NTM: variants seen among roughly 807,000 people sequenced by gnomAD.
NTM encodes neurotrimin, also known as IgLON family member 2.
NTM carries 13 observed loss-of-function variants against 42.1 expected under a neutral mutation model. That is an observed-to-expected ratio of 0.31 (90% CI 0.20 to 0.49). The LOEUF is 0.49. NTM is among the 20% of genes least tolerant of loss of function. NTM has a pLI of 0.99. For missense variants in NTM, 373 were observed against 452.8 expected, an observed-to-expected ratio of 0.82 and a Z score of 1.60; for synonymous variants, 187 against 179.2, an observed-to-expected ratio of 1.04 and a Z score of -0.35.
intron 1 of NTM, among the ~76,000 whole-genome samples, chr11:131,416,479 T>TGTC (rs1946969275): frequency 6.6e-6 from 1 of 152,176 alleles, no homozygotes; most frequent in African/African-American, 2.4e-5. Context: ...TCAAACACCA[T>TGTC]AGCCTGTCTG....
intron 3 of NTM, among the ~76,000 whole-genome samples, chr11:132,199,364 G>A (rs767347258): frequency 5.3e-5 from 8 of 152,152 alleles, no homozygotes; most frequent in South Asian, 2.1e-4. Flanking sequence ...GAGGCACAAC[G>A]TTTGCTTCTA....
At chr11:131,907,405 T>G (rs985772541) in intron 1 of NTM, among the ~76,000 whole-genome samples, 2 of 152,206 alleles carry the variant, frequency 1.3e-5, no homozygotes, top group Non-Finnish European at 2.9e-5. Flanking sequence ...AGAGTACACA[T>G]GGCAGGCTCT....
At chr11:132,199,710 CCCTTTTTGATA>C (rs1410951870) in intron 3 of NTM, among the ~76,000 whole-genome samples, 519 of 152,162 alleles carry the variant, frequency 3.4e-3, no homozygotes, top group Non-Finnish European at 4.0e-3. Flanking sequence ...TCCCAACTTG[CCCTTTTTGATA>C]TAAAGTTCAC....
chr11:132,064,728 A>C (rs1171953630), intron 2 of NTM, among the ~76,000 whole-genome samples: 1 of 152,162 alleles, frequency 6.6e-6, no homozygotes, highest in Non-Finnish European at 1.5e-5. Flanking sequence ...TTTGAACCCC[A>C]TGGTTCCAGT....
intron 2 of NTM, among the ~76,000 whole-genome samples, chr11:132,088,078 C>T (rs1468178710): frequency 2.0e-5 from 3 of 152,174 alleles, no homozygotes; most frequent in East Asian, 1.9e-4. Flanking sequence ...ACCACTCACC[C>T]GTATATCCCA....
At chr11:131,762,813 T>C (rs2084433433) in intron 1 of NTM, among the ~76,000 whole-genome samples, 1 of 152,028 alleles carries the variant, frequency 6.6e-6, no homozygotes, top group African/African-American at 2.4e-5. Flanking sequence ...ACTGAGAGCT[T>C]CCTTGAAATG....
At chr11:131,836,629 A>C (rs146357460) in intron 1 of NTM, among the ~76,000 whole-genome samples, 1 of 152,210 alleles carries the variant, frequency 6.6e-6, no homozygotes. Context: ...TCTCCATGTC[A>C]TGAGTGGTTG....
chr11:131,587,430 G>A (rs1340433973), intron 1 of NTM, among the ~76,000 whole-genome samples: 4 of 143,950 alleles, frequency 2.8e-5, no homozygotes, highest in Non-Finnish European at 4.6e-5. Context: ...CCTGGGAGAC[G>A]GAGCGAGACT....
chr11:132,249,032 C>T (rs1370312441), intron 4 of NTM, among the ~76,000 whole-genome samples: 3 of 152,186 alleles, frequency 2.0e-5, no homozygotes, highest in Non-Finnish European at 4.4e-5. Context: ...GGAGCACTGG[C>T]TGGAACATGC....
Position 132,307,848 on chromosome 11 carries a change from C to T in NTM, c.661+25C>T, listed in dbSNP as rs545833387. The stretch of plus-strand genomic sequence containing the variant: ...TGTAAGTGTTCTCACCACCACGCGC[C>T]CTGCACGTGCATCAGGCTGGCCTGT... On this transcript the variant is annotated intron_variant, in intron 5 of 8. Transcript: ENST00000683400. 8.8e-5 allele frequency: 141 copies of T among 1,609,416 alleles called. 4 individuals are homozygous for T. In the South Asian group the frequency reaches 1.5e-3, roughly 17 times the overall value.
intron 6 of NTM, among the ~76,000 whole-genome samples, chr11:132,311,406 A>AT (rs1469828763): frequency 6.6e-6 from 1 of 152,188 alleles, no homozygotes; most frequent in East Asian, 1.9e-4. Flanking sequence ...TATTATATTC[A>AT]TGTAGCCCAT....
At chr11:131,865,974 C>A (rs1170175748) in intron 1 of NTM, among the ~76,000 whole-genome samples, 1 of 120,116 alleles carries the variant, frequency 8.3e-6, no homozygotes, top group Non-Finnish European at 1.9e-5. Context: ...TACACATACA[C>A]CTCCCACACA....
In NTM at chr11:131,758,027, C is replaced by T. The variant is rs867603895; in HGVS notation, c.83-153537C>T. 2.5e-4 allele frequency among the ~76,000 whole-genome samples: 38 copies of T among 152,258 alleles called. No individual in the cohort carries two copies. The Middle Eastern group carries it at 0.02, about 82-fold the overall frequency. Reference sequence around the variant, plus strand: ...CTATGTTTCTAAATGGAGCATATTTCGAAGAATCTCCAGATGGTCACCGGA... The same window carrying T: ...CTATGTTTCTAAATGGAGCATATTTTGAAGAATCTCCAGATGGTCACCGGA... On this transcript the variant is annotated intron_variant, in intron 1 of 8. Transcript: ENST00000683400.
At chr11:132,021,937 C>T (rs1456509490) in intron 2 of NTM, among the ~76,000 whole-genome samples, 1 of 152,246 alleles carries the variant, frequency 6.6e-6, no homozygotes, top group South Asian at 2.1e-4. Flanking sequence ...GAGCCCTCTC[C>T]AGGCTATGGT....
chr11:131,758,028 G>A (rs1010917656), intron 1 of NTM, among the ~76,000 whole-genome samples: 15 of 152,060 alleles, frequency 9.9e-5, no homozygotes, highest in Admixed American at 7.9e-4. Flanking sequence ...AGCATATTTC[G>A]AAGAATCTCC....
intron 2 of NTM, among the ~76,000 whole-genome samples, chr11:132,014,545 A>G (rs1400534524): frequency 1.3e-5 from 2 of 151,468 alleles, no homozygotes; most frequent in Non-Finnish European, 3.0e-5. Context: ...TGCTTTCTGC[A>G]TTATTTTTTG....
At chr11:131,896,848 C>T (rs1201933806) in intron 1 of NTM, among the ~76,000 whole-genome samples, 2 of 151,922 alleles carry the variant, frequency 1.3e-5, no homozygotes, top group African/African-American at 2.4e-5. Flanking sequence ...GCCACCAAGC[C>T]GGGCTAATTT....
chr11:131,516,908 T>A (rs2048965603), intron 1 of NTM, among the ~76,000 whole-genome samples: 1 of 152,178 alleles, frequency 6.6e-6, no homozygotes, highest in African/African-American at 2.4e-5. Context: ...ATAGGGCCAC[T>A]TTAGATTGCA....
intron 2 of NTM, among the ~76,000 whole-genome samples, chr11:131,957,292 T>C (rs1049679225): frequency 4.6e-5 from 7 of 152,206 alleles, no homozygotes; most frequent in African/African-American, 1.7e-4. Flanking sequence ...TTTTATATTC[T>C]AGTTAATTTT....
Sources: allele counts gnomAD v4.1 joint callset (sites outside exome capture counted in the v4.1 genomes callset), GRCh38; gene constraint gnomAD v4.1.1; transcripts MANE v1.5; gene names NCBI Gene and HGNC (gene_info 2026-07-23, HGNC 2026-07-21).